Variants in DDX10 observed in about 807,000 individuals in gnomAD.
DDX10 encodes probable ATP-dependent RNA helicase DDX10.
Under a neutral mutation model 104.3 loss-of-function variants are expected in DDX10, and 74 were observed. The ratio of observed to expected loss-of-function variants is 0.71; its 90% CI spans 0.59 to 0.86. The LOEUF is 0.86. Ranked by LOEUF, DDX10 falls within the 40% of genes least tolerant of loss-of-function variation. The probability of loss-of-function intolerance (pLI) is 0.00; values close to 1 mark genes in which losing one functional copy is unlikely to be tolerated. For synonymous variants in DDX10, 351 were observed against 353.4 expected, an observed-to-expected ratio of 0.99 and a Z score of 0.08; for missense variants, 952 against 1,040.0, an observed-to-expected ratio of 0.92 and a Z score of 1.16.
At chr11:108,726,472 T>C (rs1476828622) in intron 13 of DDX10, among the ~76,000 whole-genome samples, 11 of 152,136 alleles carry the variant, frequency 7.2e-5, no homozygotes, top group African/African-American at 2.7e-4. Context: ...TCATAAATGG[T>C]ATTTTTAAAA....
intron 13 of DDX10, among the ~76,000 whole-genome samples, chr11:108,809,091 G>A (rs998437794): frequency 1.3e-5 from 2 of 151,956 alleles, no homozygotes; most frequent in African/African-American, 4.8e-5. Context: ...GCAACTTTGA[G>A]TGATATATTG....
intron 16 of DDX10, among the ~76,000 whole-genome samples, chr11:108,889,967 T>A (rs1344332325): frequency 6.6e-6 from 1 of 152,166 alleles, no homozygotes; most frequent in Non-Finnish European, 1.5e-5. Flanking sequence ...GTAGCAGAGA[T>A]TCAAAAAATG....
intron 9 of DDX10, among the ~76,000 whole-genome samples, chr11:108,695,588 A>T (rs1231555210): frequency 6.6e-6 from 1 of 152,050 alleles, no homozygotes; most frequent in African/African-American, 2.4e-5. Flanking sequence ...CTATACATTT[A>T]TATTTTTTGG....
At chr11:108,701,799 G>A (rs1354481908) in intron 9 of DDX10, among the ~76,000 whole-genome samples, 1 of 140,936 alleles carries the variant, frequency 7.1e-6, no homozygotes, top group Non-Finnish European at 1.5e-5. Context: ...TGATTCTCTT[G>A]TCTCAGCCTC....
intron 13 of DDX10, among the ~76,000 whole-genome samples, chr11:108,793,410 T>A (rs570668017): frequency 2.6e-5 from 4 of 152,260 alleles, no homozygotes; most frequent in African/African-American, 7.2e-5. Context: ...AAAACTTGCC[T>A]TGGATGTATT....
intron 16 of DDX10, among the ~76,000 whole-genome samples, chr11:108,881,132 T>G (rs1863222614): frequency 6.6e-6 from 1 of 152,182 alleles, no homozygotes; most frequent in Non-Finnish European, 1.5e-5. Context: ...TTTACAGTAT[T>G]AAAAAGGATT....
rs769510550 is a variant in DDX10 at position 108,677,184 on chromosome 11, G to T, written c.478G>T (p.Val160Phe). ...TRELAYQTFEVLRKVGKNHDF... is the reference protein window; with the variant it reads ...TRELAYQTFEFLRKVGKNHDF... The stretch of plus-strand genomic sequence containing the variant: ...AGAACTGGCCTATCAGACCTTTGAG[G>T]TTCTCCGAAAAGTAGGAAAGAATCA... Residue 160 changes from valine (V) to phenylalanine (F), a missense_variant, in exon 4 of 18, where the codon GTT (valine) becomes TTT (phenylalanine). This residue lies in a region of DDX10 where 412 missense variants were observed against 479.2 expected (regional missense o/e 0.86). Transcript: ENST00000322536. 8.1e-6 allele frequency: 13 copies of T among 1,613,956 alleles called. No individual in the cohort carries two copies. The Admixed American group carries it at 1.8e-4, about 23-fold the overall frequency.
At chr11:108,745,149 T>G in intron 13 of DDX10, among the ~76,000 whole-genome samples, 1 of 111,906 alleles carries the variant, frequency 8.9e-6, no homozygotes, top group Non-Finnish European at 1.8e-5. Context: ...CTCCTTCCAC[T>G]CACTCCCCTT....
chr11:108,894,339 A>G (rs1015077983), intron 16 of DDX10, among the ~76,000 whole-genome samples: 1 of 152,174 alleles, frequency 6.6e-6, no homozygotes, highest in Admixed American at 6.5e-5. Flanking sequence ...GATAGTTACT[A>G]AAACGTTCAT....
chr11:108,755,613 TA>T (rs1344200579), intron 13 of DDX10, among the ~76,000 whole-genome samples: 1 of 151,980 alleles, frequency 6.6e-6, no homozygotes, highest in Non-Finnish European at 1.5e-5. Flanking sequence ...AGCTTGCAGA[TA>T]TTTTATGGAT....
intron 13 of DDX10, among the ~76,000 whole-genome samples, chr11:108,785,788 G>A (rs1157465223): frequency 6.6e-6 from 1 of 151,948 alleles, no homozygotes; most frequent in Admixed American, 6.6e-5. Context: ...TGTCACTTCC[G>A]ATTGTGCTTA....
At chr11:108,937,966 A>G (rs765538668) in intron 17 of DDX10, among the ~76,000 whole-genome samples, 3 of 152,232 alleles carry the variant, frequency 2.0e-5, no homozygotes, top group Non-Finnish European at 4.4e-5. Context: ...AGAAGTGCTG[A>G]CACGAAGATA....
At chr11:108,725,888 G>A (rs555639091) in intron 13 of DDX10, among the ~76,000 whole-genome samples, 21 of 151,838 alleles carry the variant, frequency 1.4e-4, no homozygotes, top group African/African-American at 4.1e-4. Flanking sequence ...CTATGTTCTC[G>A]TCCAGAGGTT....
chr11:108,761,927 T>A (rs2094351342), intron 13 of DDX10, among the ~76,000 whole-genome samples: 1 of 152,168 alleles, frequency 6.6e-6, no homozygotes, highest in Non-Finnish European at 1.5e-5. Context: ...TAAATTTATA[T>A]AATATTTTCT....
intron 13 of DDX10, among the ~76,000 whole-genome samples, chr11:108,731,146 G>C (rs2094311741): frequency 6.6e-6 from 1 of 151,838 alleles, no homozygotes; most frequent in African/African-American, 2.4e-5. Context: ...TGCCTCCCAG[G>C]CTCAAGTGAT....
intron 9 of DDX10, among the ~76,000 whole-genome samples, chr11:108,699,302 A>G (rs2094264200): frequency 6.6e-6 from 1 of 152,142 alleles, no homozygotes; most frequent in Non-Finnish European, 1.5e-5. Context: ...CGCAGCAACC[A>G]TTTATCTTGT....
intron 13 of DDX10, among the ~76,000 whole-genome samples, chr11:108,803,672 A>C (rs1862057422): frequency 6.6e-6 from 1 of 152,068 alleles, no homozygotes; most frequent in Non-Finnish European, 1.5e-5. Flanking sequence ...TACATATGTA[A>C]ATCTAATTAA....
At chr11:108,892,944 T>A (rs1863395779) in intron 16 of DDX10, among the ~76,000 whole-genome samples, 1 of 152,190 alleles carries the variant, frequency 6.6e-6, no homozygotes, top group African/African-American at 2.4e-5. Context: ...CCTCTCCATC[T>A]TTCCCTTTGC....
At chr11:108,858,185 T>A (rs765004935) in intron 16 of DDX10, among the ~76,000 whole-genome samples, 9 of 152,208 alleles carry the variant, frequency 5.9e-5, no homozygotes, top group Non-Finnish European at 1.3e-4. Context: ...CTTCATTGCT[T>A]TTTCCTCTGA....
Sources: gnomAD v4.1 joint callset for allele counts (sites outside exome capture counted in the v4.1 genomes callset) on GRCh38, gnomAD v4.1.1 for gene constraint, gnomAD v4.1.1 regional missense constraint, MANE v1.5 for transcripts, NCBI Gene and HGNC (gene_info 2026-07-23, HGNC 2026-07-21) for gene names.